PRIM2: variants seen among roughly 807,000 people sequenced by gnomAD.
PRIM2 encodes DNA primase subunit 2.
PRIM2 carries 39 observed loss-of-function variants against 67.3 expected under a neutral mutation model. The ratio of observed to expected loss-of-function variants is 0.58; its 90% CI spans 0.45 to 0.76. PRIM2 has a LOEUF of 0.76. Among genes scored for constraint, PRIM2 ranks in the 30% least tolerant of loss-of-function variants. The pLI, the probability that PRIM2 is intolerant of heterozygous loss-of-function variation, is 0.00. For synonymous variants in PRIM2, 143 were observed against 198.7 expected (o/e 0.72, Z 2.36); for missense variants, 398 against 598.7 (o/e 0.66, Z 3.50).
At chr6:57,433,215 A>C (rs775874682) in intron 7 of PRIM2, among the ~76,000 whole-genome samples, 7 of 152,000 alleles carry the variant, frequency 4.6e-5, no homozygotes, top group Non-Finnish European at 7.4e-5. Flanking sequence ...AAAAATGTAT[A>C]TAAACCTTTG....
intron 5 of PRIM2, among the ~76,000 whole-genome samples, chr6:57,347,974 G>T (rs1011498092): frequency 3.3e-5 from 5 of 152,166 alleles, no homozygotes; most frequent in African/African-American, 1.2e-4. Context: ...ACAAACACAG[G>T]TGTGAGTTTA....
intron 7 of PRIM2, among the ~76,000 whole-genome samples, chr6:57,438,255 G>A (rs899152666): frequency 6.6e-6 from 1 of 152,118 alleles, no homozygotes; most frequent in African/African-American, 2.4e-5. Context: ...CTGCAACAAT[G>A]TTTAGCTTTA....
chr6:57,600,335 G>GGAT (rs1776440988), intron 10 of PRIM2, among the ~76,000 whole-genome samples: 1 of 78,510 alleles, frequency 1.3e-5, no homozygotes, highest in Non-Finnish European at 2.4e-5. Context: ...CCAGAGGAAG[G>GGAT]GATTATTATT....
the PRIM2 span, among the ~76,000 whole-genome samples, chr6:57,289,647 C>T: frequency 2.0e-5 from 3 of 152,156 alleles, no homozygotes; most frequent in African/African-American, 7.2e-5. Context: ...TAGGGGCCAA[C>T]ATTCAACATT....
intron 7 of PRIM2, among the ~76,000 whole-genome samples, chr6:57,456,424 A>G (rs1327950466): frequency 6.6e-6 from 1 of 152,168 alleles, no homozygotes; most frequent in Non-Finnish European, 1.5e-5. Context: ...CAGGTACACC[A>G]ATCACACGTA....
chr6:57,547,566 G>T (rs1489379028), intron 10 of PRIM2, among the ~76,000 whole-genome samples: 3 of 152,192 alleles, frequency 2.0e-5, no homozygotes, highest in Non-Finnish European at 4.4e-5. Flanking sequence ...GACTAGCTTT[G>T]TTAAGTATTA....
intron 12 of PRIM2, among the ~76,000 whole-genome samples, chr6:57,617,732 T>C (rs1426743532): frequency 5.3e-5 from 8 of 152,182 alleles, no homozygotes; most frequent in African/African-American, 1.2e-4. Flanking sequence ...TTAATGTCTA[T>C]TGGTGGACAA....
At chr6:57,360,127 G>A (rs567251434) in intron 5 of PRIM2, among the ~76,000 whole-genome samples, 32 of 152,324 alleles carry the variant, frequency 2.1e-4, no homozygotes, top group Non-Finnish European at 3.7e-4. Context: ...AGTATAGATT[G>A]TGGACAGTCC....
chr6:57,357,406 A>C (rs1769065412), intron 5 of PRIM2, among the ~76,000 whole-genome samples: 1 of 152,078 alleles, frequency 6.6e-6, no homozygotes, highest in Non-Finnish European at 1.5e-5. Context: ...ATCTCTTACC[A>C]CTAATCTGTA....
At chr6:57,250,738 C>T in the PRIM2 span, among the ~76,000 whole-genome samples, 8 of 151,906 alleles carry the variant, frequency 5.3e-5, no homozygotes, top group African/African-American at 1.5e-4. Flanking sequence ...ACTTGGTGGG[C>T]GAGCAAAAAG....
intron 5 of PRIM2, among the ~76,000 whole-genome samples, chr6:57,335,734 G>A (rs1367483412): frequency 9.9e-5 from 15 of 152,150 alleles, no homozygotes; most frequent in Admixed American, 9.8e-4. Flanking sequence ...AAGACCAAAA[G>A]TAGATAAAAC....
chr6:57,334,473 G>C (rs1300739402), intron 5 of PRIM2, among the ~76,000 whole-genome samples: 1 of 151,964 alleles, frequency 6.6e-6, no homozygotes, highest in Non-Finnish European at 1.5e-5. Flanking sequence ...TTAATTTTTT[G>C]AGGAACTTTC....
the PRIM2 span, among the ~76,000 whole-genome samples, chr6:57,252,828 T>C: frequency 1.3e-5 from 2 of 152,250 alleles, no homozygotes; most frequent in Non-Finnish European, 2.9e-5. Flanking sequence ...GCTCTGTTCT[T>C]TTCCAATCCT....
chr6:57,330,420 C>T (rs1336226417), intron 5 of PRIM2, among the ~76,000 whole-genome samples: 5 of 139,494 alleles, frequency 3.6e-5, no homozygotes, highest in South Asian at 2.3e-4. Context: ...GCACTGTAGC[C>T]GAGGCTGGAG....
intron 7 of PRIM2, among the ~76,000 whole-genome samples, chr6:57,390,516 C>T (rs1479979931): frequency 6.6e-6 from 1 of 151,978 alleles, no homozygotes; most frequent in Non-Finnish European, 1.5e-5. Flanking sequence ...CCAATAGTTA[C>T]CTTTTCTGCT....
chr6:57,505,880 CTGT>C (rs1468602804), intron 7 of PRIM2, among the ~76,000 whole-genome samples: 1 of 152,044 alleles, frequency 6.6e-6, no homozygotes, highest in Admixed American at 6.6e-5. Context: ...TCTGTCTGCT[CTGT>C]TTTCAGAGAA....
chr6:57,270,875 A>G, the PRIM2 span, among the ~76,000 whole-genome samples: 6 of 152,036 alleles, frequency 3.9e-5, no homozygotes, highest in African/African-American at 1.2e-4. Context: ...TTCTGCATCT[A>G]TTGAGATAAT....
the PRIM2 span, among the ~76,000 whole-genome samples, chr6:57,266,732 T>C: frequency 6.6e-6 from 1 of 152,262 alleles, no homozygotes; most frequent in Admixed American, 6.5e-5. Flanking sequence ...AAAAATAGTC[T>C]ATGTCGCCAC....
At chr6:57,305,850 T>A in the PRIM2 span, among the ~76,000 whole-genome samples, 7 of 152,352 alleles carry the variant, frequency 4.6e-5, no homozygotes, top group African/African-American at 1.7e-4. Flanking sequence ...GTATTTCTTA[T>A]AATCTTCAGA....
Sources: allele counts gnomAD v4.1 joint callset (sites outside exome capture counted in the v4.1 genomes callset), GRCh38; gene constraint gnomAD v4.1.1; transcripts MANE v1.5; gene names NCBI Gene and HGNC (gene_info 2026-07-23, HGNC 2026-07-21).